Variants in AKT3 observed in about 807,000 individuals in gnomAD.
AKT3 encodes RAC-gamma serine/threonine-protein kinase.
A neutral mutation model predicts 65.3 loss-of-function variants in AKT3; 15 were observed. The observed-to-expected ratio is 0.23, with a 90% CI of 0.15 to 0.35. The LOEUF is 0.35. Ranked by LOEUF, AKT3 falls within the 10% of genes least tolerant of loss-of-function variation. The pLI is 1.00. For synonymous variants in AKT3, 206 were observed against 183.8 expected (o/e 1.12, Z -0.98); for missense variants, 243 against 576.5 (o/e 0.42, Z 5.92).
At chr1:243,719,286 CTAATT>C (rs367631809) in intron 2 of AKT3, among the ~76,000 whole-genome samples, 3 of 152,296 alleles carry the variant, frequency 2.0e-5, no homozygotes, top group Non-Finnish European at 4.4e-5. Flanking sequence ...CAAAATTACT[CTAATT>C]TATTCACATA....
chr1:243,770,147 T>G (rs1246798450), intron 2 of AKT3, among the ~76,000 whole-genome samples: 2 of 152,182 alleles, frequency 1.3e-5, no homozygotes, highest in Non-Finnish European at 2.9e-5. Flanking sequence ...GATTCTCAAT[T>G]ATATTCCATT....
chr1:243,630,092 C>T (rs1393053860), intron 6 of AKT3, among the ~76,000 whole-genome samples: 1 of 152,044 alleles, frequency 6.6e-6, no homozygotes, highest in Admixed American at 6.6e-5. Flanking sequence ...CTTTGCATAC[C>T]CAATGGTAGA....
chr1:243,553,925 G>A (rs1198918589), intron 10 of AKT3, among the ~76,000 whole-genome samples: 1 of 151,972 alleles, frequency 6.6e-6, no homozygotes, highest in African/African-American at 2.4e-5. Flanking sequence ...TCTCAGCTTT[G>A]GAAAACCAGA....
intron 2 of AKT3, among the ~76,000 whole-genome samples, chr1:243,742,059 TAAA>T (rs36056068): frequency 4.0e-5 from 5 of 125,600 alleles, no homozygotes; most frequent in Admixed American, 2.4e-4. Flanking sequence ...GATAGAAAAT[TAAA>T]AAAAAAAAAA....
At chr1:243,819,781 C>A (rs1346872257) in intron 2 of AKT3, among the ~76,000 whole-genome samples, 1 of 152,212 alleles carries the variant, frequency 6.6e-6, no homozygotes, top group Non-Finnish European at 1.5e-5. Flanking sequence ...ACAGAAATCA[C>A]AGAGGAAGGA....
intron 13 of AKT3, among the ~76,000 whole-genome samples, chr1:243,491,095 C>T (rs1666295150): frequency 6.6e-6 from 1 of 152,216 alleles, no homozygotes; most frequent in African/African-American, 2.4e-5. Flanking sequence ...ACGGCAGCTT[C>T]CTTTGGGCTC....
intron 2 of AKT3, among the ~76,000 whole-genome samples, chr1:243,802,408 A>G (rs966654858): frequency 1.3e-5 from 2 of 152,204 alleles, no homozygotes; most frequent in Non-Finnish European, 2.9e-5. Flanking sequence ...TGGAAAGGAA[A>G]TATCAAATAT....
rs141324809 is a variant in AKT3 at position 243,584,192 on chromosome 1, C to T, written c.697-11144G>A. Among the ~76,000 whole-genome samples the T allele has an allele frequency of 1.2e-3, 177 of 152,142 alleles. 2 individuals carry two copies. Among genetic ancestry groups the T allele is most frequent in the Non-Finnish European group, 1.8e-4 (12 of 67,968 alleles). On this transcript the variant is annotated intron_variant, in intron 8 of 13. Coordinates refer to ENST00000673466, the MANE Select transcript of AKT3 (RefSeq NM_005465.7). ...GGTCCTCAGAGGCTATGTGTCTATA[C>T]ATACAAACAAGAAAATCTAGAGGAA...
chr1:243,522,278 T>A (rs1670766805), intron 12 of AKT3, among the ~76,000 whole-genome samples: 1 of 152,116 alleles, frequency 6.6e-6, no homozygotes, highest in African/African-American at 2.4e-5. Context: ...TTCAAGAACA[T>A]GAGCAAAAGT....
chr1:243,557,640 T>C (rs957796045), intron 10 of AKT3, among the ~76,000 whole-genome samples: 4 of 152,000 alleles, frequency 2.6e-5, no homozygotes, highest in African/African-American at 9.7e-5. Flanking sequence ...AAATTAAATA[T>C]ATTCAACTAA....
At position 243,500,400 on chromosome 1, in the gene AKT3, G is replaced by A. The variant is rs1435141708; in HGVS notation, c.*4849C>T. 1 of 225,334 alleles carries A rather than the reference G, an allele frequency of 4.4e-6. No individual in the cohort carries two copies. The highest frequency in any genetic ancestry group is 2.2e-5 in the African/African-American group (1 of 44,844). 14.0% of individuals were successfully genotyped at this position (225,334 alleles called of 1,614,324 possible). ...ACAAAAAAGCATCTTTGGCTCGGTG[G>A]TGTCAGATTTTTTTCTTCAATACGC... is the stretch of plus-strand genomic sequence containing the variant. On this transcript the variant is annotated 3_prime_UTR_variant, in exon 14 of 14. Transcript: ENST00000673466.
At chr1:243,585,692 G>A (rs1558634263) in intron 8 of AKT3, among the ~76,000 whole-genome samples, 1 of 152,160 alleles carries the variant, frequency 6.6e-6, no homozygotes, top group Admixed American at 6.5e-5. Context: ...GCCATACGCA[G>A]AGGAATGAAA....
At chr1:243,571,373 G>T (rs1216708075) in intron 9 of AKT3, among the ~76,000 whole-genome samples, 1 of 152,296 alleles carries the variant, frequency 6.6e-6, no homozygotes, top group South Asian at 2.1e-4. Context: ...AATGATTAAA[G>T]AAGAAATACT....
chr1:243,827,850 TAAGA>T (rs1159402327), intron 2 of AKT3, among the ~76,000 whole-genome samples: 1 of 152,080 alleles, frequency 6.6e-6, no homozygotes, highest in Non-Finnish European at 1.5e-5. Flanking sequence ...ATTTTTAAAT[TAAGA>T]AAGATGAAGC....
At position 243,493,235 on chromosome 1, in the gene AKT3, G is replaced by A. The variant is rs1281798555; in HGVS notation, c.*7-4785C>T. On this transcript the variant is annotated intron_variant, in intron 13 of 13. Coordinates refer to the AKT3 transcript ENST00000336199. ...GAAACCTTGGTGGTGGGGGTGGGGGGAGGGGGATTCGGGGTGAGGGTGGTG... is the reference window on the plus strand; with the variant it reads ...GAAACCTTGGTGGTGGGGGTGGGGGAAGGGGGATTCGGGGTGAGGGTGGTG... Among the ~76,000 whole-genome samples, 832 of 138,772 alleles carry A rather than the reference G, an allele frequency of 6.0e-3. 3 individuals are homozygous for A. Among genetic ancestry groups the A allele is most frequent in the Non-Finnish European group, 0.01 (639 of 63,216 alleles). 91.0% of individuals were successfully genotyped at this position (138,772 alleles called of 152,430 possible). A position where few individuals can be genotyped will look rare whatever the true frequency, so the allele number is the denominator to read the frequency against.
At chr1:243,496,949 G>T (rs974100170), downstream of AKT3, among the ~76,000 whole-genome samples, 1 of 152,212 alleles carries the variant, frequency 6.6e-6, no homozygotes. Flanking sequence ...TGGCCAGGGC[G>T]CCCTGTCGCC....
chr1:243,737,182 C>A lies in AKT3; in HGVS notation c.47-41466G>T, dbSNP rs897557992. On this transcript the variant is annotated intron_variant, in intron 2 of 13. Transcript: ENST00000673466. ...AAAACTTCTAGAAAGCCTTTCTTGG[C>A]TCTATCATACACAAAATGTGAGTTT... Among the ~76,000 whole-genome samples the A allele has an allele frequency of 1.1e-4, 16 of 152,284 alleles. 1 individual carries two copies. The East Asian group carries it at 3.1e-3, about 29-fold the overall frequency.
At chr1:243,606,949 C>A (rs2148588065) in intron 8 of AKT3, among the ~76,000 whole-genome samples, 1 of 152,336 alleles carries the variant, frequency 6.6e-6, no homozygotes, top group African/African-American at 2.4e-5. Flanking sequence ...GGGTGCAAGC[C>A]CCAAGCATTG....
chr1:243,543,662 G>A (rs1049877371), intron 12 of AKT3, among the ~76,000 whole-genome samples: 1 of 152,138 alleles, frequency 6.6e-6, no homozygotes, highest in East Asian at 1.9e-4. Context: ...TCCTATATAT[G>A]CATGCAACTC....
Sources: allele counts gnomAD v4.1 joint callset (sites outside exome capture counted in the v4.1 genomes callset), GRCh38; gene constraint gnomAD v4.1.1; transcripts MANE v1.5; gene names NCBI Gene and HGNC (gene_info 2026-07-23, HGNC 2026-07-21).